TUSC3: variants seen among roughly 807,000 people sequenced by gnomAD.
The protein encoded by TUSC3 is dolichyl-diphosphooligosaccharide--protein glycosyltransferase subunit TUSC3.
In TUSC3, 45 loss-of-function variants were observed where a neutral mutation model predicts 44.8. The ratio of observed to expected loss-of-function variants is 1.00; its 90% confidence interval spans 0.79 to 1.29. TUSC3 has a LOEUF of 1.29. Ranked by LOEUF, TUSC3 falls within the 50% of genes most tolerant of loss-of-function variation. The pLI is 0.00. For missense variants in TUSC3, 519 were observed against 437.9 expected (o/e 1.19, Z -1.65); for synonymous variants, 212 against 152.9 (o/e 1.39, Z -2.85).
At chr8:15,734,374 C>T (rs1428953372) in intron 7 of TUSC3, among the ~76,000 whole-genome samples, 1 of 151,994 alleles carries the variant, frequency 6.6e-6, no homozygotes, top group East Asian at 1.9e-4. Flanking sequence ...ATCTCCATAT[C>T]AGTAGTGTTT....
At chr8:15,775,633 C>CATAT in the TUSC3 span, among the ~76,000 whole-genome samples, 16 of 56,008 alleles carry the variant, frequency 2.9e-4, no homozygotes, top group South Asian at 8.3e-4. Context: ...TATACAGACA[C>CATAT]ATATATATAT....
intron 6 of TUSC3, among the ~76,000 whole-genome samples, chr8:15,717,328 GA>G (rs1220250330): frequency 1.3e-5 from 2 of 152,042 alleles, no homozygotes; most frequent in Non-Finnish European, 2.9e-5. Context: ...AAAAGAGATG[GA>G]ACAGCCTTAA....
At chr8:15,584,764 C>CA (rs1266408734) in intron 1 of TUSC3, among the ~76,000 whole-genome samples, 4 of 152,012 alleles carry the variant, frequency 2.6e-5, no homozygotes. Flanking sequence ...GATTCATTGA[C>CA]ACAGGCAATC....
At chr8:15,512,635 T>A (rs1801152693) in intron 2 of TUSC3, among the ~76,000 whole-genome samples, 2 of 151,892 alleles carry the variant, frequency 1.3e-5, no homozygotes, top group South Asian at 4.2e-4. Context: ...TAGCTTGGCA[T>A]GGTGGTACAC....
At chr8:15,621,685 A>G (rs997493794) in intron 1 of TUSC3, among the ~76,000 whole-genome samples, 2 of 149,354 alleles carry the variant, frequency 1.3e-5, no homozygotes, top group African/African-American at 4.9e-5. Flanking sequence ...ATAAATCTAT[A>G]TATGTAAATC....
intron 5 of TUSC3, among the ~76,000 whole-genome samples, chr8:15,671,164 A>G (rs773764470): frequency 6.6e-5 from 10 of 151,964 alleles, no homozygotes; most frequent in African/African-American, 2.2e-4. Flanking sequence ...ATACTCTGTG[A>G]TACAGAATTT....
chr8:15,523,933 G>T (rs934534572), intron 2 of TUSC3, among the ~76,000 whole-genome samples: 14 of 151,148 alleles, frequency 9.3e-5, no homozygotes, highest in African/African-American at 3.2e-4. Flanking sequence ...GCGCGCACCT[G>T]TAGTCCCATC....
At chr8:15,643,224 A>C (rs1355047936) in intron 2 of TUSC3, among the ~76,000 whole-genome samples, 1 of 152,128 alleles carries the variant, frequency 6.6e-6, no homozygotes, top group African/African-American at 2.4e-5. Context: ...CTGAACTGTG[A>C]GTCAGTTAAA....
intron 8 of TUSC3, among the ~76,000 whole-genome samples, 200 bp from the exon 9 acceptor site, chr8:15,748,175 T>C (rs1811503789): frequency 6.7e-6 from 1 of 149,900 alleles, no homozygotes; most frequent in South Asian, 2.1e-4. Flanking sequence ...AAGACACAAA[T>C]AGTACATTTT....
rs73191178 is a variant in TUSC3, at chr8:15,456,519, C to T, written n.92-26867C>T. Among the ~76,000 whole-genome samples the T allele has an allele frequency of 2.7e-3, 403 of 151,772 alleles. 1 individual carries two copies. Among genetic ancestry groups the T allele is most frequent in the South Asian group, 3.7e-3 (18 of 4,812 alleles). On this transcript the variant is annotated intron_variant and non_coding_transcript_variant, in intron 1 of 5. Coordinates refer to the TUSC3 transcript ENST00000503191. ...CACGATCAGTGACTAGGAGCTGTTA[C>T]GAAGTTAAACTAATTAATAAAGAGT... is the stretch of plus-strand genomic sequence containing the variant.
At chr8:15,628,647 G>C (rs76980940) in intron 2 of TUSC3, among the ~76,000 whole-genome samples, 2,093 of 152,236 alleles carry the variant, frequency 0.014, 37 homozygotes, top group African/African-American at 0.047. Context: ...ATGACTTGTA[G>C]CTTTTGTATT....
chr8:15,833,208 A>G, the TUSC3 span, among the ~76,000 whole-genome samples: 1 of 152,180 alleles, frequency 6.6e-6, no homozygotes, highest in Admixed American at 6.5e-5. Context: ...GTCAAAAAAT[A>G]ACAGGTGCTG....
intron 2 of TUSC3, among the ~76,000 whole-genome samples, chr8:15,628,775 T>A (rs1805630473): frequency 6.6e-6 from 1 of 152,216 alleles, no homozygotes; most frequent in Non-Finnish European, 1.5e-5. Context: ...TCTGTAGAAT[T>A]AAATGATGTT....
chr8:15,597,973 A>G (rs1156516153), intron 1 of TUSC3, among the ~76,000 whole-genome samples: 6 of 152,064 alleles, frequency 3.9e-5, no homozygotes, highest in Admixed American at 3.9e-4. Context: ...ATGCACACAC[A>G]ACACTTATTC....
chr8:15,471,517 ATTAAC>A (rs1308211236), intron 1 of TUSC3, among the ~76,000 whole-genome samples: 6 of 134,950 alleles, frequency 4.4e-5, no homozygotes, highest in African/African-American at 1.6e-4. Context: ...GATTTCTTAA[ATTAAC>A]TTAAATTTTT....
chr8:15,522,541 C>A (rs1047409602), intron 2 of TUSC3, among the ~76,000 whole-genome samples: 4 of 141,442 alleles, frequency 2.8e-5, no homozygotes, highest in African/African-American at 1.0e-4. Context: ...CCTATTCAGC[C>A]TTTTTTTTTT....
intron 1 of TUSC3, among the ~76,000 whole-genome samples, chr8:15,455,062 T>C (rs934212670): frequency 6.6e-6 from 1 of 152,110 alleles, no homozygotes; most frequent in Non-Finnish European, 1.5e-5. Flanking sequence ...AGATGATGAC[T>C]TTGACCTGGG....
At chr8:15,816,036 C>T in the TUSC3 span, among the ~76,000 whole-genome samples, 1 of 152,100 alleles carries the variant, frequency 6.6e-6, no homozygotes, top group South Asian at 2.1e-4. Flanking sequence ...ATCCAAATTT[C>T]AGTGAGGCAG....
At chr8:15,425,191 GT>G (rs1398915967) in intron 1 of TUSC3, among the ~76,000 whole-genome samples, 2 of 152,146 alleles carry the variant, frequency 1.3e-5, no homozygotes, top group Non-Finnish European at 2.9e-5. Flanking sequence ...AAGTAGTCAA[GT>G]TTTCCATTTT....
Sources: allele counts gnomAD v4.1 joint callset (sites outside exome capture counted in the v4.1 genomes callset), GRCh38; gene constraint gnomAD v4.1.1; transcripts MANE v1.5; gene names NCBI Gene and HGNC (gene_info 2026-07-23, HGNC 2026-07-21).